DNAH14: variants seen among roughly 807,000 people sequenced by gnomAD.
The protein encoded by DNAH14 is dynein axonemal heavy chain 14.
In DNAH14, 478 loss-of-function variants were observed where a neutral mutation model predicts 520.9. That is an observed-to-expected ratio of 0.92 (90% CI 0.85 to 0.99). DNAH14 has a LOEUF of 0.99. Ranked by LOEUF, DNAH14 falls within the 50% of genes least tolerant of loss-of-function variation. DNAH14 has a pLI of 0.00. For synonymous variants in DNAH14, 1,581 were observed against 1,757.2 expected (o/e 0.90, Z 2.51); for missense variants, 4,831 against 5,234.5 (o/e 0.92, Z 2.38).
chr1:225,009,696 A>G (rs1333555058), intron 10 of DNAH14, among the ~76,000 whole-genome samples: 1 of 152,208 alleles, frequency 6.6e-6, no homozygotes, highest in Non-Finnish European at 1.5e-5. Flanking sequence ...TACTTTGGGA[A>G]GTATGACCAT....
At chr1:225,162,069 G>T (rs778599710) in intron 35 of DNAH14, among the ~76,000 whole-genome samples, 4 of 152,142 alleles carry the variant, frequency 2.6e-5, no homozygotes. Flanking sequence ...TATTACTCAA[G>T]AAATTTTTGC....
chr1:224,998,885 C>G (rs967572772), intron 8 of DNAH14, among the ~76,000 whole-genome samples: 2 of 152,030 alleles, frequency 1.3e-5, no homozygotes, highest in African/African-American at 4.8e-5. Flanking sequence ...GTGGATTTGT[C>G]TCTTTTTCCT....
intron 43 of DNAH14, 50 bp downstream of exon 43, chr1:225,240,872 T>C: frequency 7.9e-7 from 1 of 1,266,504 alleles, no homozygotes; most frequent in Non-Finnish European, 1.1e-6. Context: ...AAATATTAAT[T>C]TAAAGCAATG....
intron 13 of DNAH14, 72 bp downstream of exon 13, chr1:225,043,186 CTG>C: frequency 7.3e-7 from 1 of 1,365,166 alleles, no homozygotes; most frequent in Non-Finnish European, 9.6e-7. Flanking sequence ...TCCTGGCACT[CTG>C]GGAGGCTGAG....
intron 68 of DNAH14, among the ~76,000 whole-genome samples, chr1:225,338,620 T>G (rs1259778029): frequency 6.6e-6 from 1 of 152,156 alleles, no homozygotes; most frequent in Non-Finnish European, 1.5e-5. Flanking sequence ...AAGCTTTATA[T>G]CCATGTTCCC....
At chr1:225,089,464 A>AAAG (rs775049047) in intron 21 of DNAH14, among the ~76,000 whole-genome samples, 6 of 138,414 alleles carry the variant, frequency 4.3e-5, no homozygotes, top group African/African-American at 1.3e-4. Context: ...AAAAAAAAAA[A>AAAG]AGAGAGCGAG....
At chr1:225,189,619 C>T (rs901746127) in intron 37 of DNAH14, among the ~76,000 whole-genome samples, 6 of 151,394 alleles carry the variant, frequency 4.0e-5, no homozygotes, top group African/African-American at 1.5e-4. Context: ...GGAACTTGTC[C>T]ATTTCATCTT....
intron 9 of DNAH14, among the ~76,000 whole-genome samples, chr1:225,004,549 G>A (rs1033381256): frequency 6.6e-6 from 1 of 152,154 alleles, no homozygotes; most frequent in Non-Finnish European, 1.5e-5. Flanking sequence ...ATGAATGTCA[G>A]GCCAAGAATA....
At chr1:224,953,024 G>A in intron 2 of DNAH14, 1 of 273,584 alleles carries the variant, frequency 3.7e-6, no homozygotes, top group East Asian at 7.4e-5. Flanking sequence ...TGAGAAGGAG[G>A]TTGTTGGATA....
intron 8 of DNAH14, among the ~76,000 whole-genome samples, chr1:224,975,492 A>C (rs1359945045): frequency 6.6e-6 from 1 of 152,106 alleles, no homozygotes; most frequent in Non-Finnish European, 1.5e-5. Context: ...CATTTCTTCT[A>C]GATTTTCTAG....
chr1:225,216,975 G>T (rs549259435), intron 41 of DNAH14, among the ~76,000 whole-genome samples: 1 of 152,268 alleles, frequency 6.6e-6, no homozygotes, highest in East Asian at 1.9e-4. Flanking sequence ...AGGAGAAGAG[G>T]CGCTCTGATT....
rs779301591 is a variant in DNAH14 at position 225,265,253 on chromosome 1, G to A, written c.7294G>A (p.Val2432Ile). The A allele has an allele frequency of 1.2e-4, 181 of 1,539,686 alleles. No homozygotes were observed. Among genetic ancestry groups the A allele is most frequent in the Non-Finnish European group, 1.6e-4 (178 of 1,142,918 alleles). ...LLKNNDHKGV[V>I]VSTINFSTNV... Reference sequence around the variant, plus strand: ...TAAAAATAATGATCATAAAGGAGTTGTAGTCTCTACAATAAATTTTAGCAC... The same window carrying A: ...TAAAAATAATGATCATAAAGGAGTTATAGTCTCTACAATAAATTTTAGCAC... Residue 2432 changes from valine (V) to isoleucine (I), a missense_variant, in exon 48 of 86, where the codon GTA (valine) becomes ATA (isoleucine). Val to Ile is a conservative substitution (Grantham distance 29). Transcript: ENST00000682510.
At chr1:225,142,014 G>T (rs76422085) in intron 28 of DNAH14, among the ~76,000 whole-genome samples, 122 of 152,128 alleles carry the variant, frequency 8.0e-4, no homozygotes, top group African/African-American at 2.9e-3. Flanking sequence ...ATGTAACTGA[G>T]GCCACTGTTG....
intron 3 of DNAH14, among the ~76,000 whole-genome samples, chr1:224,957,903 A>G (rs1312717861): frequency 6.6e-6 from 1 of 152,128 alleles, no homozygotes; most frequent in African/African-American, 2.4e-5. Context: ...TAACCAGAGG[A>G]GCTGTGGTTT....
chr1:225,015,611 T>C (rs2456346), intron 10 of DNAH14, among the ~76,000 whole-genome samples: 137,636 of 152,218 alleles, frequency 0.9, 63,786 homozygotes, highest in East Asian at 1. Context: ...AGAAAAAAGA[T>C]ACACACACAA....
intron 65 of DNAH14, among the ~76,000 whole-genome samples, chr1:225,333,080 A>ACACTATTAGC: frequency 6.6e-6 from 1 of 152,346 alleles, no homozygotes; most frequent in East Asian, 1.9e-4. Flanking sequence ...AGCAAAGATG[A>ACACTATTAGC]CACTATTAGC....
chr1:225,115,124 A>G (rs2076774035), intron 23 of DNAH14, among the ~76,000 whole-genome samples: 1 of 152,184 alleles, frequency 6.6e-6, no homozygotes, highest in Non-Finnish European at 1.5e-5. Flanking sequence ...TTAAAGCATA[A>G]GTGCTGGCAA....
At chr1:225,380,476 T>G (rs1248983123) in intron 80 of DNAH14, among the ~76,000 whole-genome samples, 154 bp downstream of exon 80, 1 of 152,204 alleles carries the variant, frequency 6.6e-6, no homozygotes, top group East Asian at 1.9e-4. Flanking sequence ...TCTCTCCAAG[T>G]TGAAAGACAG....
intron 73 of DNAH14, among the ~76,000 whole-genome samples, 195 bp from the exon 74 acceptor site, chr1:225,358,301 C>G (rs1160102480): frequency 2.6e-5 from 4 of 152,132 alleles, no homozygotes; most frequent in Non-Finnish European, 5.9e-5. Context: ...CTAAGAAGGG[C>G]CACATGATGG....
Sources: gnomAD v4.1 joint callset for allele counts (sites outside exome capture counted in the v4.1 genomes callset) on GRCh38, gnomAD v4.1.1 for gene constraint, MANE v1.5 for transcripts, NCBI Gene and HGNC (gene_info 2026-07-23, HGNC 2026-07-21) for gene names.